ANKS1A: variants seen among roughly 807,000 people sequenced by gnomAD.
The protein encoded by ANKS1A is ankyrin repeat and SAM domain-containing protein 1A.
Under a neutral mutation model 120.3 loss-of-function variants are expected in ANKS1A, and 55 were observed. That is an observed-to-expected ratio of 0.46 (90% CI 0.37 to 0.57). ANKS1A has a LOEUF of 0.57. ANKS1A is among the 20% of genes least tolerant of loss of function. The probability of loss-of-function intolerance (pLI) is 0.00; values close to 1 mark genes in which losing one functional copy is unlikely to be tolerated. For missense variants in ANKS1A, 1,123 were observed against 1,480.3 expected (o/e 0.76, Z 3.96); for synonymous variants, 590 against 604.7 (o/e 0.98, Z 0.36).
intron 1 of ANKS1A, among the ~76,000 whole-genome samples, chr6:34,901,460 AT>A (rs1458965642): frequency 2.0e-5 from 3 of 151,976 alleles, no homozygotes; most frequent in African/African-American, 7.3e-5. Context: ...TTTACTGATG[AT>A]TTTCTAGTGG....
Position 34,985,204 on chromosome 6 carries a change from G to C in ANKS1A, c.1135G>C (p.Gly379Arg), listed in dbSNP as rs147778746. The change falls in exon 8 of 24, where the codon GGG becomes CGG. Residue 379 changes from glycine (G) to arginine (R), a missense_variant. By Grantham distance (125) the Gly-to-Arg change is moderately radical. This residue lies in a region of ANKS1A where 904 missense variants were observed against 1,130.4 expected (regional missense o/e 0.80). Transcript: ENST00000360359. ...CCATTCGTTGGACAGCATGGCCAGC[G>C]GGCGATCATCTGACCAAGACTCCAC... ...SCHSLDSMAS[G>R]RSSDQDSTNK... 1 of 1,614,194 alleles carries C rather than the reference G, an allele frequency of 6.2e-7. No homozygotes were observed. The highest frequency in any genetic ancestry group is 2.2e-5 in the East Asian group (1 of 44,882).
intron 1 of ANKS1A, among the ~76,000 whole-genome samples, chr6:34,963,570 T>C (rs893050661): frequency 2.6e-5 from 4 of 152,270 alleles, no homozygotes; most frequent in African/African-American, 7.2e-5. Context: ...TGAGTAATGC[T>C]GCAATGAGCA....
chr6:34,965,796 G>T (rs1770865519), intron 1 of ANKS1A, among the ~76,000 whole-genome samples: 1 of 151,734 alleles, frequency 6.6e-6, no homozygotes, highest in African/African-American at 2.4e-5. Context: ...TCTCAGGCTG[G>T]AGTGCAGTGG....
At chr6:34,902,267 G>C (rs992527854) in intron 1 of ANKS1A, among the ~76,000 whole-genome samples, 3 of 149,460 alleles carry the variant, frequency 2.0e-5, no homozygotes, top group Non-Finnish European at 4.4e-5. Context: ...TTTTCTTTTT[G>C]AGACGGCGTT....
chr6:35,086,925 A>G lies in ANKS1A; in HGVS notation c.3304-27A>G. ...CAGCCCTGGCACAGAGCTCCCTCTG[A>G]CTCTTGACTGCTTCCTTGTTTGGCA... is the stretch of plus-strand genomic sequence containing the variant. On this transcript the variant is annotated intron_variant, in intron 22 of 23. Transcript: ENST00000360359. This position sits in a 1 kb window ranked among gnomAD's most constrained non-coding sequence, Gnocchi z 5.1. 1 of 1,611,458 alleles carries G rather than the reference A, an allele frequency of 6.2e-7. No individual in the cohort carries two copies. The highest frequency in any genetic ancestry group is 2.2e-5 in the East Asian group (1 of 44,854).
intron 1 of ANKS1A, among the ~76,000 whole-genome samples, chr6:34,909,990 G>A (rs1415328446): frequency 6.6e-6 from 1 of 152,158 alleles, no homozygotes; most frequent in East Asian, 1.9e-4. Context: ...AGATTAGCTG[G>A]GGTAGTAACA....
intron 10 of ANKS1A, among the ~76,000 whole-genome samples, chr6:35,015,366 G>A (rs948972582): frequency 1.3e-5 from 2 of 152,198 alleles, no homozygotes; most frequent in Admixed American, 1.3e-4. Flanking sequence ...GGGCGTGGTG[G>A]CACACACCTG....
chr6:34,894,355 G>A (rs1766970974), intron 1 of ANKS1A, among the ~76,000 whole-genome samples: 1 of 152,108 alleles, frequency 6.6e-6, no homozygotes, highest in Non-Finnish European at 1.5e-5. Flanking sequence ...AAAAGGAAAT[G>A]TTAAAACCAA....
rs146909130 is a variant in ANKS1A at position 34,955,437 on chromosome 6, A to G, written c.198-11802A>G. On this transcript the variant is annotated intron_variant, in intron 1 of 23. Coordinates refer to ENST00000360359, the MANE Select transcript of ANKS1A (RefSeq NM_015245.3). Reference sequence around the variant, plus strand: ...CAGGCGTGAGCCACCACGCCTGGCCATTTTCTGAGTTTTCTATGTCCAGCT... The same window carrying G: ...CAGGCGTGAGCCACCACGCCTGGCCGTTTTCTGAGTTTTCTATGTCCAGCT... 1.3e-3 allele frequency among the ~76,000 whole-genome samples: 200 copies of G among 152,096 alleles called. 1 individual carries two copies. The highest frequency in any genetic ancestry group is 2.5e-3 in the Non-Finnish European group (167 of 67,980).
intron 1 of ANKS1A, among the ~76,000 whole-genome samples, chr6:34,902,250 CT>C (rs1192318417): frequency 2.7e-5 from 4 of 149,078 alleles, no homozygotes; most frequent in Non-Finnish European, 6.0e-5. Flanking sequence ...TTTTTTGTTT[CT>C]TTTTTTTTTC....
In ANKS1A at chr6:35,072,788, G is replaced by C. The variant is rs2127600195; in HGVS notation, c.2185-5770G>C. 1.3e-5 allele frequency among the ~76,000 whole-genome samples: 2 copies of C among 152,364 alleles called. 1 individual carries two copies. On this transcript the variant is annotated intron_variant, in intron 13 of 23. Coordinates refer to ENST00000360359, the MANE Select transcript of ANKS1A (RefSeq NM_015245.3). ...ATGCTGAGAGATGGGATTCTACGGA[G>C]GGAGGCAGCATTGGCTCTCAGCTCA...
chr6:35,066,188 T>G (rs1345312167), intron 13 of ANKS1A, among the ~76,000 whole-genome samples: 1 of 152,156 alleles, frequency 6.6e-6, no homozygotes, highest in Non-Finnish European at 1.5e-5. Context: ...TGTGGTGACA[T>G]CGTGTCAGAG....
intron 14 of ANKS1A, among the ~76,000 whole-genome samples, chr6:35,079,228 TC>T (rs1168983657): frequency 6.6e-6 from 1 of 152,144 alleles, no homozygotes; most frequent in Non-Finnish European, 1.5e-5. Context: ...TCAGCGGAGC[TC>T]AGGGCGGAGG....
At position 35,021,810 on chromosome 6, in the gene ANKS1A, A is replaced by AC. The variant is rs763719484; in HGVS notation, c.2010+3756dup. 7.2e-5 allele frequency among the ~76,000 whole-genome samples: 11 copies of AC among 151,838 alleles called. No homozygotes were observed. The South Asian group carries it at 1.9e-3, about 26-fold the overall frequency. ...AGACCAGCCTGGCCAACATGGTGAA[A>AC]CCCCCTCTCTACTAAAAATACAAAA... On this transcript the variant is annotated intron_variant, in intron 11 of 23. Transcript: ENST00000360359.
intron 1 of ANKS1A, among the ~76,000 whole-genome samples, chr6:34,921,391 G>A (rs1158578318): frequency 1.3e-5 from 2 of 152,200 alleles, no homozygotes; most frequent in Non-Finnish European, 2.9e-5. Context: ...TATTGTCCCT[G>A]TAGAAAGCCT....
intron 1 of ANKS1A, among the ~76,000 whole-genome samples, chr6:34,900,451 GT>G (rs112747881): frequency 7.2e-4 from 107 of 148,898 alleles, no homozygotes; most frequent in African/African-American, 2.4e-3. Flanking sequence ...AACTCTCTCT[GT>G]TTTTTTTTTA....
chr6:34,997,951 G>T (rs765729307), intron 10 of ANKS1A, among the ~76,000 whole-genome samples: 2 of 152,234 alleles, frequency 1.3e-5, no homozygotes, highest in Non-Finnish European at 2.9e-5. Flanking sequence ...ATTGGGCTAA[G>T]TGTTGAGAGT....
chr6:35,034,147 C>T (rs1775041754), intron 11 of ANKS1A, among the ~76,000 whole-genome samples: 1 of 152,174 alleles, frequency 6.6e-6, no homozygotes, highest in African/African-American at 2.4e-5. Context: ...ACCTTGGTAC[C>T]TTTTGCCACT....
In ANKS1A at chr6:35,078,505, G is replaced by A. The variant is rs1581747220; in HGVS notation, c.2185-53G>A. 9.6e-6 allele frequency: 15 copies of A among 1,563,378 alleles called. No individual in the cohort carries two copies. In the Admixed American group the frequency reaches 2.2e-4, roughly 23 times the overall value. ...GAAAGGCCCACCTGACCCCCTCAGGGCCACCAGCCATCCATCCAGGAGGGG... is the reference window on the plus strand; with the variant it reads ...GAAAGGCCCACCTGACCCCCTCAGGACCACCAGCCATCCATCCAGGAGGGG... On this transcript the variant is annotated intron_variant, in intron 13 of 23. Transcript: ENST00000360359.
Sources: allele counts gnomAD v4.1 joint callset (sites outside exome capture counted in the v4.1 genomes callset), GRCh38; gene constraint gnomAD v4.1.1; regional missense constraint gnomAD v4.1.1; non-coding constraint Gnocchi (gnomAD v3.1); transcripts MANE v1.5; gene names NCBI Gene and HGNC (gene_info 2026-07-23, HGNC 2026-07-21).